Variants in COL22A1 observed in about 807,000 individuals in gnomAD.
The protein encoded by COL22A1 is collagen type XXII alpha 1 chain, also known as collagen alpha-1(XXII) chain.
In COL22A1, 221 loss-of-function variants were observed where a neutral mutation model predicts 248.9. The ratio of observed to expected loss-of-function variants is 0.89; its 90% CI spans 0.80 to 0.99. The LOEUF (loss-of-function observed/expected upper bound fraction) is 0.99, where lower values mean the gene tolerates loss of function less well. Among genes scored for constraint, COL22A1 ranks in the 50% least tolerant of loss-of-function variants. COL22A1 has a pLI of 0.00. For synonymous variants in COL22A1, 891 were observed against 793.4 expected (o/e 1.12, Z -2.07); for missense variants, 2,240 against 2,179.0 (o/e 1.03, Z -0.56).
rs188374661 is a variant in COL22A1 at position 138,900,458 on chromosome 8, C to T, written c.-73+13161G>A. Among the ~76,000 whole-genome samples the T allele has an allele frequency of 5.3e-5, 8 of 152,190 alleles. No individual in the cohort carries two copies. In the East Asian group the frequency reaches 7.7e-4, roughly 15 times the overall value. ...GACAGAAAAAGTGAGACCTGTTTTC[C>T]GAACCTCCTTCTTTATGCTATGGAA... is the stretch of plus-strand genomic sequence containing the variant. On this transcript the variant is annotated intron_variant, in intron 1 of 64. Coordinates refer to ENST00000303045, the MANE Select transcript of COL22A1 (RefSeq NM_152888.3).
At chr8:138,746,983 C>T (rs16909544) in intron 22 of COL22A1, among the ~76,000 whole-genome samples, 1 of 152,188 alleles carries the variant, frequency 6.6e-6, no homozygotes, top group Non-Finnish European at 1.5e-5. Flanking sequence ...AAAACCCCAG[C>T]ATGAGCAACC....
At chr8:138,892,351 G>C (rs1380051119) in intron 1 of COL22A1, among the ~76,000 whole-genome samples, 2 of 152,170 alleles carry the variant, frequency 1.3e-5, no homozygotes, top group Non-Finnish European at 2.9e-5. Flanking sequence ...CATTAGAAAG[G>C]GATGATCTCT....
intron 3 of COL22A1, among the ~76,000 whole-genome samples, chr8:138,851,805 CATAAA>C (rs1699826759): frequency 6.6e-6 from 1 of 152,154 alleles, no homozygotes; most frequent in South Asian, 2.1e-4. Context: ...TGATCCTGGG[CATAAA>C]ATAATGGCAA....
intron 12 of COL22A1, among the ~76,000 whole-genome samples, chr8:138,789,034 C>T (rs1815801900): frequency 6.6e-6 from 1 of 152,184 alleles, no homozygotes; most frequent in Non-Finnish European, 1.5e-5. Flanking sequence ...GTTCAGGAGT[C>T]CAGCATTTAC....
chr8:138,904,986 G>A (rs989268130), intron 1 of COL22A1, among the ~76,000 whole-genome samples: 3 of 152,088 alleles, frequency 2.0e-5, no homozygotes, highest in East Asian at 1.9e-4. Flanking sequence ...TCTAAGCCTC[G>A]GTTGCCTCAT....
chr8:138,860,145 AG>A (rs1822340664), intron 3 of COL22A1, among the ~76,000 whole-genome samples: 1 of 151,472 alleles, frequency 6.6e-6, no homozygotes, highest in Admixed American at 6.6e-5. Context: ...GGTTTCTGCC[AG>A]CTTCCTGCTG....
At chr8:138,864,878 A>C (rs1033112595) in intron 3 of COL22A1, among the ~76,000 whole-genome samples, 5 of 152,202 alleles carry the variant, frequency 3.3e-5, no homozygotes, top group Admixed American at 3.3e-4. Flanking sequence ...CAAGACAGAA[A>C]ATGTCTTCAG....
chr8:138,619,143 T>C (rs1819559646), intron 53 of COL22A1, among the ~76,000 whole-genome samples: 2 of 152,162 alleles, frequency 1.3e-5, no homozygotes, highest in Admixed American at 6.5e-5. Flanking sequence ...ATGGAAAGTG[T>C]TCAAAACTAA....
At chr8:138,593,705 T>C (rs2131785569) in intron 63 of COL22A1, among the ~76,000 whole-genome samples, 1 of 152,294 alleles carries the variant, frequency 6.6e-6, no homozygotes, top group Admixed American at 6.5e-5. Flanking sequence ...TCCTCAGTGC[T>C]AAACTCAGTA....
chr8:138,613,821 G>T (rs767217733), intron 56 of COL22A1, 46 bp downstream of exon 56: 4 of 1,493,898 alleles, frequency 2.7e-6, no homozygotes, highest in African/African-American at 1.4e-5. Context: ...TGTGGTAAAA[G>T]GTCCTGTAAT....
chr8:138,642,230 T>A (rs542683744), intron 47 of COL22A1, among the ~76,000 whole-genome samples: 2 of 152,348 alleles, frequency 1.3e-5, no homozygotes, highest in South Asian at 4.1e-4. Flanking sequence ...GGACTACTAG[T>A]GGTCAACCCC....
intron 25 of COL22A1, among the ~76,000 whole-genome samples, chr8:138,724,337 C>G (rs944247824): frequency 6.6e-6 from 1 of 152,198 alleles, no homozygotes; most frequent in African/African-American, 2.4e-5. Flanking sequence ...TTGAATGTGT[C>G]TTTTGGTGAA....
chr8:138,686,798 T>C (rs1156921525), intron 37 of COL22A1, among the ~76,000 whole-genome samples: 1 of 152,220 alleles, frequency 6.6e-6, no homozygotes, highest in Admixed American at 6.5e-5. Context: ...ATGTCCTACT[T>C]ATAATGTGCC....
intron 48 of COL22A1, among the ~76,000 whole-genome samples, chr8:138,635,546 T>G (rs887989389): frequency 2.6e-5 from 4 of 152,234 alleles, no homozygotes; most frequent in Admixed American, 2.6e-4. Context: ...ATATTACAGT[T>G]ATTTTAAGCA....
At chr8:138,596,701 G>T (rs1817563846) in intron 62 of COL22A1, among the ~76,000 whole-genome samples, 1 of 152,198 alleles carries the variant, frequency 6.6e-6, no homozygotes, top group Admixed American at 6.5e-5. Flanking sequence ...CCAAGTGAAA[G>T]CTGAAGGACT....
At chr8:138,772,811 C>T (rs1046298600) in intron 16 of COL22A1, among the ~76,000 whole-genome samples, 8 of 152,002 alleles carry the variant, frequency 5.3e-5, no homozygotes, top group African/African-American at 1.2e-4. Context: ...TGCAGTGAGC[C>T]GAGATCGCAC....
rs532646067 is a variant in COL22A1 at position 138,911,085 on chromosome 8, G to C, written c.-73+2534C>G. On this transcript the variant is annotated intron_variant, in intron 1 of 64. Transcript: ENST00000303045. Reference sequence around the variant, plus strand: ...ACCTAGCTCAAGCATTCCAGGTTTAGATCAGCCTTACAACAGCCATCCCAT... The same window carrying C: ...ACCTAGCTCAAGCATTCCAGGTTTACATCAGCCTTACAACAGCCATCCCAT... 3.0e-4 allele frequency among the ~76,000 whole-genome samples: 46 copies of C among 152,340 alleles called. 1 individual carries two copies. The highest frequency in any genetic ancestry group is 1.1e-3 in the African/African-American group (46 of 41,582).
intron 16 of COL22A1, among the ~76,000 whole-genome samples, chr8:138,772,490 G>A (rs1218664755): frequency 6.6e-6 from 1 of 152,130 alleles, no homozygotes; most frequent in East Asian, 1.9e-4. Flanking sequence ...CTTGAGCAAA[G>A]CGTATTTAAA....
chr8:138,600,246 T>C (rs914991136), intron 60 of COL22A1, among the ~76,000 whole-genome samples: 1 of 152,206 alleles, frequency 6.6e-6, no homozygotes, highest in African/African-American at 2.4e-5. Context: ...GCCACATTAA[T>C]GGCCTCAGAG....
Sources: allele counts gnomAD v4.1 joint callset (sites outside exome capture counted in the v4.1 genomes callset), GRCh38; gene constraint gnomAD v4.1.1; transcripts MANE v1.5; gene names NCBI Gene and HGNC (gene_info 2026-07-23, HGNC 2026-07-21).